The following ASTN1 variants were observed in gnomAD, a reference collection of about 807,000 sequenced individuals.
The protein encoded by ASTN1 is astrotactin-1.
In ASTN1, 41 loss-of-function variants were observed where a neutral mutation model predicts 140.7. The ratio of observed to expected loss-of-function variants is 0.29; its 90% CI spans 0.23 to 0.38. The LOEUF is 0.38. ASTN1 is among the 10% of genes least tolerant of loss of function. The pLI, the probability that ASTN1 is intolerant of heterozygous loss-of-function variation, is 1.00. For missense variants in ASTN1, 1,479 were observed against 1,678.8 expected (o/e 0.88, Z 2.08); for synonymous variants, 640 against 652.2 (o/e 0.98, Z 0.29).
At chr1:176,991,480 A>C (rs1417914072) in intron 8 of ASTN1, among the ~76,000 whole-genome samples, 2 of 146,168 alleles carry the variant, frequency 1.4e-5, no homozygotes, top group African/African-American at 2.5e-5. Context: ...ACAAAAAGAA[A>C]CGCTATAGAG....
At chr1:176,982,020 G>C (rs1673643283) in intron 8 of ASTN1, among the ~76,000 whole-genome samples, 1 of 152,154 alleles carries the variant, frequency 6.6e-6, no homozygotes, top group Admixed American at 6.5e-5. Flanking sequence ...TAACTGGAAG[G>C]GGAGGTCAGC....
intron 8 of ASTN1, among the ~76,000 whole-genome samples, chr1:176,995,416 G>T (rs921134029): frequency 2.0e-5 from 3 of 152,204 alleles, no homozygotes; most frequent in Non-Finnish European, 4.4e-5. Flanking sequence ...GAGACTATCT[G>T]CATGCAGATT....
rs115415559 is a variant in ASTN1, at chr1:177,066,454, T to C, written c.284-5189A>G. On this transcript the variant is annotated intron_variant, in intron 1 of 22. Transcript: ENST00000361833. ...TCACTTTTAGATTAGCCTTAGTCAT[T>C]GTTCTAATGTTAGCTTGTGGATTGT... Among the ~76,000 whole-genome samples, 611 of 152,316 alleles carry C rather than the reference T, an allele frequency of 4.0e-3. 4 individuals are homozygous for C. Among genetic ancestry groups the C allele is most frequent in the African/African-American group, 0.014 (582 of 41,582 alleles).
At chr1:176,988,820 C>T (rs1674027579) in intron 8 of ASTN1, among the ~76,000 whole-genome samples, 1 of 152,116 alleles carries the variant, frequency 6.6e-6, no homozygotes, top group African/African-American at 2.4e-5. Flanking sequence ...ATGAAGGAAA[C>T]CAAGATTCAG....
At chr1:177,138,943 A>T (rs1571838795) in intron 1 of ASTN1, among the ~76,000 whole-genome samples, 1 of 152,212 alleles carries the variant, frequency 6.6e-6, no homozygotes, top group East Asian at 1.9e-4. Context: ...CATTTAAAAT[A>T]AGTGGTGGAT....
chr1:177,136,515 A>T (rs1571835519), intron 1 of ASTN1, among the ~76,000 whole-genome samples: 1 of 151,960 alleles, frequency 6.6e-6, no homozygotes, highest in East Asian at 1.9e-4. Context: ...ACAACCGCCC[A>T]GTTAATTTTT....
intron 1 of ASTN1, among the ~76,000 whole-genome samples, chr1:177,079,204 T>C (rs759432381): frequency 6.6e-6 from 1 of 152,278 alleles, no homozygotes; most frequent in East Asian, 1.9e-4. Context: ...GGCTGGACTT[T>C]TATAAAACAA....
chr1:176,954,459 C>T (rs1261431550), intron 11 of ASTN1, among the ~76,000 whole-genome samples: 2 of 152,184 alleles, frequency 1.3e-5, no homozygotes, highest in Non-Finnish European at 2.9e-5. Context: ...GAAAGAATTG[C>T]AGTCCTGGTG....
At chr1:176,961,451 A>G (rs1221991291) in intron 9 of ASTN1, among the ~76,000 whole-genome samples, 1 of 152,190 alleles carries the variant, frequency 6.6e-6, no homozygotes, top group African/African-American at 2.4e-5. Context: ...AGAGAACTGC[A>G]AAGGGGCAGG....
At chr1:177,073,743 C>T (rs116071341) in intron 1 of ASTN1, among the ~76,000 whole-genome samples, 1,664 of 151,058 alleles carry the variant, frequency 0.011, 14 homozygotes, top group Non-Finnish European at 0.017. Context: ...ATCAGGAAAC[C>T]GAAATCTGAG....
intron 1 of ASTN1, among the ~76,000 whole-genome samples, chr1:177,153,525 C>T (rs533608309): frequency 1.3e-5 from 2 of 152,018 alleles, no homozygotes; most frequent in South Asian, 4.1e-4. Flanking sequence ...AAACTACATA[C>T]CACAATAAAT....
chr1:176,932,471 A>T (rs1295078005), intron 16 of ASTN1, among the ~76,000 whole-genome samples: 1 of 152,234 alleles, frequency 6.6e-6, no homozygotes, highest in Non-Finnish European at 1.5e-5. Flanking sequence ...AACCAGACTA[A>T]AGAGGAGAAC....
intron 7 of ASTN1, among the ~76,000 whole-genome samples, chr1:177,017,142 G>C (rs554658383): frequency 6.6e-6 from 1 of 152,312 alleles, no homozygotes; most frequent in East Asian, 1.9e-4. Context: ...CATTTGTATA[G>C]CACATTTACC....
intron 16 of ASTN1, among the ~76,000 whole-genome samples, chr1:176,926,165 C>A (rs1254346513): frequency 6.6e-6 from 1 of 151,718 alleles, no homozygotes; most frequent in African/African-American, 2.4e-5. Context: ...ACATGCACAT[C>A]ATTTAAGCTC....
At chr1:177,053,640 AAT>A (rs1334403964) in intron 2 of ASTN1, among the ~76,000 whole-genome samples, 5 of 152,256 alleles carry the variant, frequency 3.3e-5, no homozygotes, top group Admixed American at 6.5e-5. Context: ...TTAAAAAATC[AAT>A]ATGTCAATAA....
chr1:177,067,249 C>T (rs1678407579), intron 1 of ASTN1, among the ~76,000 whole-genome samples: 1 of 151,988 alleles, frequency 6.6e-6, no homozygotes, highest in African/African-American at 2.4e-5. Context: ...GAAAGAAATA[C>T]AATGGAAAGG....
At chr1:176,913,569 G>A (rs975167427) in intron 16 of ASTN1, among the ~76,000 whole-genome samples, 1 of 152,194 alleles carries the variant, frequency 6.6e-6, no homozygotes, top group Non-Finnish European at 1.5e-5. Flanking sequence ...CACTTTGCAT[G>A]TATTCTGTCA....
At chr1:176,878,625 G>A (rs886101847) in intron 20 of ASTN1, among the ~76,000 whole-genome samples, 14 of 152,094 alleles carry the variant, frequency 9.2e-5, no homozygotes, top group Admixed American at 7.2e-4. Context: ...GACCAGCCCC[G>A]TGTAGAACTA....
chr1:176,871,954 A>G (rs2103015335), intron 21 of ASTN1, among the ~76,000 whole-genome samples: 1 of 152,334 alleles, frequency 6.6e-6, no homozygotes, highest in South Asian at 2.1e-4. Context: ...CAGCCTCATC[A>G]TAAAAAACAT....
Sources: allele counts gnomAD v4.1 joint callset (sites outside exome capture counted in the v4.1 genomes callset), GRCh38; gene constraint gnomAD v4.1.1; transcripts MANE v1.5; gene names NCBI Gene and HGNC (gene_info 2026-07-23, HGNC 2026-07-21).